SNTB2: variants seen among roughly 807,000 people sequenced by gnomAD.
The protein encoded by SNTB2 is beta-2-syntrophin.
SNTB2 carries 34 observed loss-of-function variants against 46.2 expected under a neutral mutation model. The observed-to-expected ratio is 0.74, with a 90% CI of 0.56 to 0.98. SNTB2 has a LOEUF of 0.98. SNTB2 is among the 50% of genes least tolerant of loss of function. The probability of loss-of-function intolerance (pLI) is 0.00; values close to 1 mark genes in which losing one functional copy is unlikely to be tolerated. For missense variants in SNTB2, 603 were observed against 731.4 expected, an observed-to-expected ratio of 0.82 and a Z score of 2.02; for synonymous variants, 290 against 312.6, an observed-to-expected ratio of 0.93 and a Z score of 0.76.
At chr16:69,237,231 A>G (rs1371836416) in intron 1 of SNTB2, among the ~76,000 whole-genome samples, 4 of 152,120 alleles carry the variant, frequency 2.6e-5, no homozygotes, top group Non-Finnish European at 5.9e-5. Context: ...CACCTGGATT[A>G]TAGGGATAGG....
chr16:69,191,013 A>C (rs1196574019), intron 1 of SNTB2: 1 of 152,138 alleles, frequency 6.6e-6, no homozygotes, highest in Non-Finnish European at 1.5e-5. Flanking sequence ...AGACACTCTC[A>C]AAACAGGAAG....
At chr16:69,240,113 G>A (rs1191087153) in intron 1 of SNTB2, among the ~76,000 whole-genome samples, 1 of 152,142 alleles carries the variant, frequency 6.6e-6, no homozygotes, top group East Asian at 1.9e-4. Context: ...TTGTGTGAAT[G>A]TAAGTTTTCA....
chr16:69,278,263 C>T (rs2143140394), intron 4 of SNTB2, among the ~76,000 whole-genome samples: 2 of 152,026 alleles, frequency 1.3e-5, no homozygotes, highest in South Asian at 4.2e-4. Flanking sequence ...TTGCAGTGAG[C>T]CAACACTGTG....
intron 1 of SNTB2, among the ~76,000 whole-genome samples, chr16:69,221,976 A>AC (rs1221498881): frequency 6.6e-6 from 1 of 152,140 alleles, no homozygotes; most frequent in Non-Finnish European, 1.5e-5. Flanking sequence ...AAATAGCACA[A>AC]AGCTTGAGTC....
chr16:69,276,321 A>C (rs1268382362), intron 4 of SNTB2, among the ~76,000 whole-genome samples: 1 of 152,196 alleles, frequency 6.6e-6, no homozygotes, highest in Admixed American at 6.5e-5. Context: ...TGGCCTCTCC[A>C]CAAAAGGGGG....
At chr16:69,216,229 G>A (rs1964346044) in intron 1 of SNTB2, among the ~76,000 whole-genome samples, 1 of 152,130 alleles carries the variant, frequency 6.6e-6, no homozygotes, top group African/African-American at 2.4e-5. Flanking sequence ...GTCAATTTCT[G>A]AAATCCATGA....
chr16:69,217,154 T>C (rs1964355289), intron 1 of SNTB2, among the ~76,000 whole-genome samples: 1 of 152,230 alleles, frequency 6.6e-6, no homozygotes, highest in Non-Finnish European at 1.5e-5. Context: ...TGTTAGATTA[T>C]TAGCCAAGGC....
rs181996823 is a variant in SNTB2 at position 69,267,661 on chromosome 16, C to G, written c.1006-2482C>G. On this transcript the variant is annotated intron_variant, in intron 3 of 6. Coordinates refer to ENST00000336278, the MANE Select transcript of SNTB2 (RefSeq NM_006750.4). Reference sequence around the variant, plus strand: ...TTCAGCACATGGTAGAGCACTGGTCCCTTCACTGGCTAGAATTAATTTCCC... The same window carrying G: ...TTCAGCACATGGTAGAGCACTGGTCGCTTCACTGGCTAGAATTAATTTCCC... 2.0e-5 allele frequency among the ~76,000 whole-genome samples: 3 copies of G among 152,288 alleles called. No homozygotes were observed. In the East Asian group the frequency reaches 5.8e-4, roughly 29 times the overall value.
chr16:69,219,706 A>AGATTT (rs1964381432), intron 1 of SNTB2, among the ~76,000 whole-genome samples: 1 of 148,950 alleles, frequency 6.7e-6, no homozygotes, highest in Non-Finnish European at 1.5e-5. Flanking sequence ...CATAGAAACC[A>AGATTT]GATTTTATTT....
At chr16:69,298,303 T>G (rs1965246261) in intron 5 of SNTB2, among the ~76,000 whole-genome samples, 1 of 152,156 alleles carries the variant, frequency 6.6e-6, no homozygotes, top group South Asian at 2.1e-4. Flanking sequence ...AGGTGTCCTT[T>G]GAATTGTATC....
intron 5 of SNTB2, among the ~76,000 whole-genome samples, chr16:69,295,662 A>G (rs1046097327): frequency 4.6e-5 from 7 of 151,844 alleles, no homozygotes; most frequent in Non-Finnish European, 8.8e-5. Flanking sequence ...CAACAGCTCC[A>G]TTAATAAGTC....
intron 5 of SNTB2, among the ~76,000 whole-genome samples, chr16:69,293,212 G>A (rs1361094241): frequency 6.6e-6 from 1 of 152,072 alleles, no homozygotes; most frequent in African/African-American, 2.4e-5. Flanking sequence ...AGTCAGTTTG[G>A]CTCATATGTC....
intron 1 of SNTB2, chr16:69,242,033 G>A (rs556419311): frequency 2.6e-5 from 4 of 151,856 alleles, no homozygotes; most frequent in East Asian, 1.9e-4. Context: ...ATTCATTAGA[G>A]CTTAGAATTC....
At chr16:69,193,237 G>GAAA (rs961713669) in intron 1 of SNTB2, among the ~76,000 whole-genome samples, 1 of 74,210 alleles carries the variant, frequency 1.3e-5, no homozygotes, top group Non-Finnish European at 2.8e-5. Flanking sequence ...TTTTAAAAAT[G>GAAA]AAAAAAAAAA....
intron 5 of SNTB2, among the ~76,000 whole-genome samples, chr16:69,287,679 T>C (rs1274604470): frequency 1.3e-5 from 2 of 151,962 alleles, no homozygotes; most frequent in Non-Finnish European, 2.9e-5. Context: ...GCCATCATAG[T>C]GAAACCCCGT....
Position 69,301,152 on chromosome 16 carries a change from T to C in SNTB2, c.*228T>C, listed in dbSNP as rs993317410. On this transcript the variant is annotated 3_prime_UTR_variant, in exon 7 of 7. Transcript: ENST00000336278. ...AAGGCTCCAAAATGAAGCTGTTGATTTATTCTCATTTCAAAATATGGTTTA... is the reference window on the plus strand; with the variant it reads ...AAGGCTCCAAAATGAAGCTGTTGATCTATTCTCATTTCAAAATATGGTTTA... The C allele has an allele frequency of 4.9e-6, 2 of 407,798 alleles. No individual in the cohort carries two copies. The highest frequency in any genetic ancestry group is 3.9e-5 in the African/African-American group (2 of 50,856). The allele number at this position is 407,798 out of a possible 1,614,324, so 25.3% of individuals were successfully genotyped here. A position where few individuals can be genotyped will look rare whatever the true frequency, so the allele number is the denominator to read the frequency against.
intron 1 of SNTB2, among the ~76,000 whole-genome samples, chr16:69,201,245 A>T (rs1964158426): frequency 6.6e-6 from 1 of 152,202 alleles, no homozygotes; most frequent in African/African-American, 2.4e-5. Flanking sequence ...TATTGCTAGC[A>T]TTGAAATAGT....
chr16:69,243,020 TAAAAAAA>T (rs371176390), intron 1 of SNTB2, among the ~76,000 whole-genome samples: 1 of 96,090 alleles, frequency 1.0e-5, no homozygotes, highest in African/African-American at 3.8e-5. Flanking sequence ...GACTGCATCT[TAAAAAAA>T]AAAAAAAAAA....
rs78292866 is a variant in SNTB2 at position 69,220,784 on chromosome 16, A to T, written c.581-24818A>T. Reference sequence around the variant, plus strand: ...TGGCCTCAAGCGATCCACTTGCCTCAGCCTTCCAAAGCCCTAGGATTACAG... The same window carrying T: ...TGGCCTCAAGCGATCCACTTGCCTCTGCCTTCCAAAGCCCTAGGATTACAG... On this transcript the variant is annotated intron_variant, in intron 1 of 6. Coordinates refer to ENST00000336278, the MANE Select transcript of SNTB2 (RefSeq NM_006750.4). Among the ~76,000 whole-genome samples, 48 of 152,264 alleles carry T rather than the reference A, an allele frequency of 3.2e-4. No homozygotes were observed. In the East Asian group the frequency reaches 8.9e-3, roughly 28 times the overall value.
Sources: allele counts gnomAD v4.1 joint callset (sites outside exome capture counted in the v4.1 genomes callset), GRCh38; gene constraint gnomAD v4.1.1; transcripts MANE v1.5; gene names NCBI Gene and HGNC (gene_info 2026-07-23, HGNC 2026-07-21).